Variants in CCSER1 observed in about 807,000 individuals in gnomAD.
CCSER1 encodes coiled-coil serine rich protein 1, also known as serine-rich coiled-coil domain-containing protein 1.
In CCSER1, 41 loss-of-function variants were observed where a neutral mutation model predicts 82.0. The observed-to-expected ratio is 0.50, with a 90% confidence interval of 0.39 to 0.65. CCSER1 has a LOEUF of 0.65. Among genes scored for constraint, CCSER1 ranks in the 30% least tolerant of loss-of-function variants. CCSER1 has a pLI of 0.00. For synonymous variants in CCSER1, 414 were observed against 383.9 expected (o/e 1.08, Z -0.92); for missense variants, 1,119 against 1,064.2 (o/e 1.05, Z -0.72).
chr4:91,121,644 T>C (rs554312086), intron 10 of CCSER1, among the ~76,000 whole-genome samples: 1 of 151,778 alleles, frequency 6.6e-6, no homozygotes, highest in South Asian at 2.1e-4. Context: ...TAATCATAAA[T>C]ATGTATTTTG....
In CCSER1 at chr4:91,220,092, G is replaced by A. The variant is rs140191353; in HGVS notation, c.2217+134098G>A. On this transcript the variant is annotated intron_variant, in intron 10 of 10. Coordinates refer to ENST00000509176, the MANE Select transcript of CCSER1 (RefSeq NM_001145065.2). ...CCCTCCCGAGTCACTTTTGGGAAGA[G>A]CATAGGGTTTAATGAAACTGTTGAA... Among the ~76,000 whole-genome samples, 49 of 152,300 alleles carry A rather than the reference G, an allele frequency of 3.2e-4. No individual in the cohort carries two copies. The Middle Eastern group carries it at 0.017, about 53-fold the overall frequency.
At chr4:91,004,813 A>G (rs990721900) in intron 9 of CCSER1, among the ~76,000 whole-genome samples, 3 of 152,172 alleles carry the variant, frequency 2.0e-5, no homozygotes, top group Admixed American at 6.5e-5. Flanking sequence ...TTAACATTTT[A>G]TGTATTTCTG....
chr4:91,287,367 A>T (rs761758373), intron 10 of CCSER1, among the ~76,000 whole-genome samples: 6 of 151,736 alleles, frequency 4.0e-5, no homozygotes, highest in Non-Finnish European at 7.4e-5. Flanking sequence ...ATTTCCTGTC[A>T]TTTCCCTTTT....
At chr4:90,548,069 A>G (rs1405666748) in intron 5 of CCSER1, among the ~76,000 whole-genome samples, 1 of 152,112 alleles carries the variant, frequency 6.6e-6, no homozygotes, top group Non-Finnish European at 1.5e-5. Context: ...GTGTATTCTT[A>G]CATCTCTGAA....
intron 1 of CCSER1, among the ~76,000 whole-genome samples, chr4:90,162,574 C>G (rs1729659428): frequency 6.6e-6 from 1 of 151,788 alleles, no homozygotes. Flanking sequence ...GTAGCAGTAT[C>G]CTAAACAGTA....
chr4:90,699,275 C>G (rs1300653378), intron 6 of CCSER1, among the ~76,000 whole-genome samples: 2 of 151,922 alleles, frequency 1.3e-5, no homozygotes, highest in East Asian at 1.9e-4. Context: ...ACCAGGCTGG[C>G]GAACATGGCA....
chr4:90,954,400 T>C lies in CCSER1; in HGVS notation c.2172+30953T>C, dbSNP rs531492765. 3.3e-5 allele frequency among the ~76,000 whole-genome samples: 5 copies of C among 152,190 alleles called. No individual in the cohort carries two copies. In the South Asian group the frequency reaches 1.0e-3, roughly 31 times the overall value. On this transcript the variant is annotated intron_variant, in intron 9 of 10. Coordinates refer to ENST00000509176, the MANE Select transcript of CCSER1 (RefSeq NM_001145065.2). ...ATTAGTTAGCCAATTTTATAATTCA[T>C]TTCAGTTTTTGTTTATATTTAAATT... is the stretch of plus-strand genomic sequence containing the variant.
intron 3 of CCSER1, among the ~76,000 whole-genome samples, chr4:90,367,172 GAACA>G (rs748145207): frequency 6.6e-6 from 1 of 151,558 alleles, no homozygotes; most frequent in Non-Finnish European, 1.5e-5. Flanking sequence ...ACAAAGAGTG[GAACA>G]AACAAACATT....
intron 5 of CCSER1, among the ~76,000 whole-genome samples, chr4:90,613,013 A>T (rs1720541801): frequency 6.6e-6 from 1 of 152,124 alleles, no homozygotes; most frequent in Non-Finnish European, 1.5e-5. Flanking sequence ...TAATACTCTA[A>T]AGCAAACTCA....
At chr4:91,116,482 CA>C (rs1479576733) in intron 10 of CCSER1, among the ~76,000 whole-genome samples, 4 of 152,140 alleles carry the variant, frequency 2.6e-5, no homozygotes, top group Non-Finnish European at 5.9e-5. Context: ...ATAACAACAG[CA>C]AAGAATTAGA....
intron 6 of CCSER1, among the ~76,000 whole-genome samples, chr4:90,661,449 T>C (rs1169608252): frequency 6.6e-6 from 1 of 152,162 alleles, no homozygotes; most frequent in East Asian, 1.9e-4. Context: ...ACTAGAAAAG[T>C]AATTGAAGAA....
rs1045551338 is a variant in CCSER1, at chr4:91,285,530, C to T, written c.2217+199536C>T. ...AAAAATACTGGATATTTGAGATTTT[C>T]GATCACTGGTTCCAGTTAAGTGAGT... is the stretch of plus-strand genomic sequence containing the variant. On this transcript the variant is annotated intron_variant, in intron 10 of 10. Transcript: ENST00000509176. Among the ~76,000 whole-genome samples, 6 of 151,688 alleles carry T rather than the reference C, an allele frequency of 4.0e-5. No homozygotes were observed. The East Asian group carries it at 1.2e-3, about 29-fold the overall frequency.
chr4:91,533,723 A>G (rs529837946), intron 10 of CCSER1, among the ~76,000 whole-genome samples: 3 of 151,980 alleles, frequency 2.0e-5, no homozygotes, highest in Non-Finnish European at 4.4e-5. Context: ...ATCAGGAAAA[A>G]TGAAAAAAAA....
intron 10 of CCSER1, among the ~76,000 whole-genome samples, chr4:91,573,417 G>T (rs914482366): frequency 6.6e-6 from 1 of 152,164 alleles, no homozygotes; most frequent in African/African-American, 2.4e-5. Flanking sequence ...CTCCTACTTT[G>T]CTGGAAAGTC....
At chr4:91,005,985 T>A (rs2150488924) in intron 9 of CCSER1, among the ~76,000 whole-genome samples, 1 of 152,348 alleles carries the variant, frequency 6.6e-6, no homozygotes, top group Admixed American at 6.5e-5. Flanking sequence ...TTTATAAGTT[T>A]ATTTTGAAAT....
intron 10 of CCSER1, among the ~76,000 whole-genome samples, chr4:91,152,862 C>T (rs1730385109): frequency 6.6e-6 from 1 of 152,140 alleles, no homozygotes; most frequent in African/African-American, 2.4e-5. Flanking sequence ...TCTCTTCTGG[C>T]TTGTAGAGTT....
intron 8 of CCSER1, among the ~76,000 whole-genome samples, chr4:90,866,627 A>G (rs572131655): frequency 5.1e-4 from 78 of 152,192 alleles, no homozygotes; most frequent in African/African-American, 1.9e-3. Context: ...AAGGCTATGG[A>G]TATGAAATTT....
intron 6 of CCSER1, among the ~76,000 whole-genome samples, chr4:90,714,441 G>T (rs1741250328): frequency 1.3e-5 from 2 of 151,888 alleles, no homozygotes; most frequent in Admixed American, 1.3e-4. Flanking sequence ...GGACACTGCT[G>T]AACATACCAA....
intron 7 of CCSER1, chr4:90,780,548 A>G: frequency 6.3e-7 from 1 of 1,576,606 alleles, no homozygotes; most frequent in Non-Finnish European, 8.6e-7. Context: ...TGAAGATGAA[A>G]GGAAAGAATA....
Sources: allele counts gnomAD v4.1 joint callset (sites outside exome capture counted in the v4.1 genomes callset), GRCh38; gene constraint gnomAD v4.1.1; transcripts MANE v1.5; gene names NCBI Gene and HGNC (gene_info 2026-07-23, HGNC 2026-07-21).